CCDC178: variants seen among roughly 807,000 people sequenced by gnomAD.
The protein encoded by CCDC178 is coiled-coil domain containing 178.
A neutral mutation model predicts 117.4 loss-of-function variants in CCDC178; 126 were observed. The observed-to-expected ratio is 1.07, with a 90% confidence interval of 0.93 to 1.24. The LOEUF (loss-of-function observed/expected upper bound fraction) is 1.24. Ranked by LOEUF, CCDC178 falls within the 50% of genes most tolerant of loss-of-function variation. The pLI is 0.00. For missense variants in CCDC178, 1,030 were observed against 986.9 expected (o/e 1.04, Z -0.59); for synonymous variants, 283 against 313.4 (o/e 0.90, Z 1.02).
intron 20 of CCDC178, among the ~76,000 whole-genome samples, chr18:33,119,389 T>C (rs1307116937): frequency 3.9e-5 from 6 of 152,060 alleles, no homozygotes; most frequent in Admixed American, 2.0e-4. Context: ...TGAACAGACA[T>C]TTCTCAAAAG....
At chr18:33,276,616 A>T (rs553254736) in intron 12 of CCDC178, among the ~76,000 whole-genome samples, 1 of 152,138 alleles carries the variant, frequency 6.6e-6, no homozygotes, top group African/African-American at 2.4e-5. Flanking sequence ...GGTAGAATCA[A>T]CTTGGTTAAG....
At position 33,011,767 on chromosome 18, in the gene CCDC178, C is replaced by CAAAAAAAAAAAAAAAAAAAAAAAAAAA. The variant is rs71177899; in HGVS notation, c.2389-37113_2389-37087dup. The stretch of plus-strand genomic sequence containing the variant: ...ACGTGGCAAATGATTGAGCAGAATG[C>CAAAAAAAAAAAAAAAAAAAAAAAAAAA]AAAAAAAAAAAAAAAAAAAAAAAAA... On this transcript the variant is annotated intron_variant, in intron 21 of 22. Transcript: ENST00000383096. Among the ~76,000 whole-genome samples, 3 of 30,014 alleles carry CAAAAAAAAAAAAAAAAAAAAAAAAAAA rather than the reference C, an allele frequency of 1.0e-4. 1 individual carries two copies. Among genetic ancestry groups the CAAAAAAAAAAAAAAAAAAAAAAAAAAA allele is most frequent in the African/African-American group, 1.5e-4 (2 of 13,142 alleles). 19.7% of individuals were successfully genotyped at this position (30,014 alleles called of 152,430 possible).
chr18:33,238,697 T>C (rs111651617), intron 15 of CCDC178, among the ~76,000 whole-genome samples: 2 of 151,996 alleles, frequency 1.3e-5, no homozygotes, highest in Non-Finnish European at 2.9e-5. Flanking sequence ...AATAGAAAGA[T>C]GTAGAAAACA....
rs71949744 is a variant in CCDC178, at chr18:33,086,969, GACACACACACAC to G, written c.2388+5780_2388+5791del. ...TTTGGGAACAAAATAGCTATTGGTT[GACACACACACAC>G]ACACACACACACACACACACACACA... On this transcript the variant is annotated intron_variant, in intron 21 of 22. Transcript: ENST00000383096. Among the ~76,000 whole-genome samples the G allele has an allele frequency of 5.5e-3, 687 of 124,116 alleles. 6 individuals are homozygous for G. Among genetic ancestry groups the G allele is most frequent in the African/African-American group, 0.019 (635 of 32,710 alleles). The allele number at this position is 124,116 out of a possible 152,430, so 81.4% of individuals were successfully genotyped here.
chr18:33,125,710 G>A (rs747882118), intron 20 of CCDC178, among the ~76,000 whole-genome samples: 3 of 152,164 alleles, frequency 2.0e-5, no homozygotes, highest in Non-Finnish European at 4.4e-5. Context: ...AGAGCAACAG[G>A]AACCTGAAAA....
chr18:32,976,227 T>A (rs111421669), intron 21 of CCDC178, among the ~76,000 whole-genome samples: 1 of 152,112 alleles, frequency 6.6e-6, no homozygotes, highest in African/African-American at 2.4e-5. Context: ...TTAAAAAAAA[T>A]TGTGTTTTCT....
intron 5 of CCDC178, among the ~76,000 whole-genome samples, chr18:33,387,130 C>G (rs1463891692): frequency 3.3e-5 from 5 of 150,856 alleles, no homozygotes; most frequent in Non-Finnish European, 6.0e-5. Flanking sequence ...CCACAAAATA[C>G]CTGGGAAAAC....
intron 5 of CCDC178, among the ~76,000 whole-genome samples, chr18:33,370,460 C>T (rs528973519): frequency 2.0e-5 from 3 of 151,450 alleles, no homozygotes; most frequent in African/African-American, 7.3e-5. Context: ...AAAAACATAG[C>T]ATTGTGAACT....
At chr18:33,390,813 A>T (rs1330280336) in intron 4 of CCDC178, among the ~76,000 whole-genome samples, 2 of 151,806 alleles carry the variant, frequency 1.3e-5, no homozygotes, top group African/African-American at 2.4e-5. Flanking sequence ...GCTATAAAAT[A>T]AAAAAATTGT....
At chr18:33,350,047 T>G (rs2062953077) in intron 7 of CCDC178, among the ~76,000 whole-genome samples, 1 of 152,006 alleles carries the variant, frequency 6.6e-6, no homozygotes, top group African/African-American at 2.4e-5. Context: ...TTAGTTTTCA[T>G]ATTTATTTCA....
intron 9 of CCDC178, among the ~76,000 whole-genome samples, chr18:33,337,939 T>C (rs2062762942): frequency 6.6e-6 from 1 of 152,048 alleles, no homozygotes; most frequent in Non-Finnish European, 1.5e-5. Context: ...AAGCTTCTGC[T>C]CAGCAAAAGA....
At chr18:33,322,291 A>G (rs960390059) in intron 11 of CCDC178, among the ~76,000 whole-genome samples, 2 of 151,984 alleles carry the variant, frequency 1.3e-5, no homozygotes, top group African/African-American at 4.8e-5. Context: ...TTCTCATTTA[A>G]TAGGTCTGTA....
intron 21 of CCDC178, among the ~76,000 whole-genome samples, chr18:33,057,168 A>G (rs2056844299): frequency 6.6e-6 from 1 of 152,192 alleles, no homozygotes; most frequent in Non-Finnish European, 1.5e-5. Context: ...TGAGAAAACT[A>G]CATAAGTTTC....
intron 11 of CCDC178, among the ~76,000 whole-genome samples, chr18:33,314,402 G>C (rs147054750): frequency 6.6e-6 from 1 of 152,040 alleles, no homozygotes; most frequent in Non-Finnish European, 1.5e-5. Context: ...CAACCAGACA[G>C]ACCCTCAAAA....
At chr18:33,341,660 G>C (rs1435688176) in intron 9 of CCDC178, among the ~76,000 whole-genome samples, 1 of 152,030 alleles carries the variant, frequency 6.6e-6, no homozygotes, top group Non-Finnish European at 1.5e-5. Flanking sequence ...GTTTATCAGG[G>C]GTTTTTCCAC....
chr18:33,293,904 G>C (rs2062070782), intron 11 of CCDC178, among the ~76,000 whole-genome samples: 1 of 151,970 alleles, frequency 6.6e-6, no homozygotes, highest in Non-Finnish European at 1.5e-5. Flanking sequence ...TCTGATTTCA[G>C]GTAAGAGATT....
intron 15 of CCDC178, among the ~76,000 whole-genome samples, chr18:33,237,945 T>C (rs1462104405): frequency 6.6e-6 from 1 of 152,170 alleles, no homozygotes; most frequent in African/African-American, 2.4e-5. Flanking sequence ...CATGTGTCCC[T>C]GATCTGAGAA....
chr18:33,291,012 T>C (rs1054659875), intron 12 of CCDC178, among the ~76,000 whole-genome samples: 7 of 152,134 alleles, frequency 4.6e-5, no homozygotes, highest in Non-Finnish European at 8.8e-5. Flanking sequence ...GAAATAGCTT[T>C]TTATTTCCAA....
At chr18:32,963,531 T>C (rs1568184535) in intron 22 of CCDC178, among the ~76,000 whole-genome samples, 1 of 152,088 alleles carries the variant, frequency 6.6e-6, no homozygotes, top group African/African-American at 2.4e-5. Context: ...TGTTGCATTT[T>C]TATGCTCTAC....
Sources: gnomAD v4.1 joint callset for allele counts (sites outside exome capture counted in the v4.1 genomes callset) on GRCh38, gnomAD v4.1.1 for gene constraint, MANE v1.5 for transcripts, NCBI Gene and HGNC (gene_info 2026-07-23, HGNC 2026-07-21) for gene names.